The following GLCCI1 variants were observed in gnomAD, a reference collection of about 807,000 sequenced individuals.
GLCCI1 encodes the protein glucocorticoid induced 1.
A neutral mutation model predicts 52.2 loss-of-function variants in GLCCI1; 24 were observed. The observed-to-expected ratio is 0.46, with a 90% CI of 0.33 to 0.65. GLCCI1 has a LOEUF of 0.65. GLCCI1 is among the 30% of genes least tolerant of loss of function. The pLI, the probability that GLCCI1 is intolerant of heterozygous loss-of-function variation, is 0.02. For synonymous variants in GLCCI1, 310 were observed against 276.5 expected (o/e 1.12, Z -1.20); for missense variants, 704 against 701.5 (o/e 1.00, Z -0.04).
At chr7:7,985,179 A>T (rs1300595054) in intron 1 of GLCCI1, among the ~76,000 whole-genome samples, 1 of 151,592 alleles carries the variant, frequency 6.6e-6, no homozygotes, top group African/African-American at 2.4e-5. Context: ...GCTGATTTTA[A>T]TTTGTTGTTT....
chr7:8,080,931 C>A (rs1402490335), intron 6 of GLCCI1, among the ~76,000 whole-genome samples: 1 of 151,106 alleles, frequency 6.6e-6, no homozygotes, highest in Non-Finnish European at 1.5e-5. Flanking sequence ...GCCTCAGCCT[C>A]CCTAAAATGT....
chr7:8,050,684 C>T (rs1782237175), intron 3 of GLCCI1, among the ~76,000 whole-genome samples: 1 of 152,076 alleles, frequency 6.6e-6, no homozygotes. Context: ...TCCCATTTGT[C>T]TGTAATTTTT....
intron 1 of GLCCI1, among the ~76,000 whole-genome samples, chr7:8,003,534 A>G (rs1781086861): frequency 1.3e-5 from 2 of 152,194 alleles, no homozygotes; most frequent in African/African-American, 4.8e-5. Context: ...AATGTTTTCT[A>G]TTTGGGTATG....
intron 3 of GLCCI1, among the ~76,000 whole-genome samples, chr7:8,033,194 A>G (rs1490636146): frequency 6.6e-6 from 1 of 151,732 alleles, no homozygotes; most frequent in Non-Finnish European, 1.5e-5. Context: ...ATTTGACAAT[A>G]TTCAACAGTC....
chr7:8,039,785 T>G (rs911400407), intron 3 of GLCCI1, among the ~76,000 whole-genome samples: 1 of 152,076 alleles, frequency 6.6e-6, no homozygotes, highest in South Asian at 2.1e-4. Flanking sequence ...TCACTTGAGG[T>G]CAGAGGTTTG....
Position 7,969,972 on chromosome 7 carries a change from C to A in GLCCI1, c.457+165C>A, listed in dbSNP as rs1780307866. 2.0e-6 allele frequency: 2 copies of A among 985,480 alleles called. No individual in the cohort carries two copies. Among genetic ancestry groups the A allele is most frequent in the South Asian group, 3.5e-5 (1 of 28,958 alleles). 61.0% of individuals were successfully genotyped at this position (985,480 alleles called of 1,614,324 possible). A position where few individuals can be genotyped will look rare whatever the true frequency, so the allele number is the denominator to read the frequency against. On this transcript the variant is annotated intron_variant, in intron 1 of 7. Coordinates refer to ENST00000223145, the MANE Select transcript of GLCCI1 (RefSeq NM_138426.4). The surrounding 1 kb of genome is among the most constrained non-coding windows in gnomAD (Gnocchi z 4.9). ...GCGGTCGCTGTGGGGCTTGGAGGAG[C>A]GAACTGAAAAGCGACTTTTATTTGA...
intron 3 of GLCCI1, among the ~76,000 whole-genome samples, chr7:8,049,393 A>G (rs1782207030): frequency 6.6e-6 from 1 of 152,180 alleles, no homozygotes; most frequent in African/African-American, 2.4e-5. Flanking sequence ...TAATAGTCTG[A>G]ATATTTTATA....
chr7:8,081,651 T>C (rs1464358233), intron 6 of GLCCI1, among the ~76,000 whole-genome samples: 1 of 152,194 alleles, frequency 6.6e-6, no homozygotes, highest in African/African-American at 2.4e-5. Context: ...GTACATGTAG[T>C]TTAATGAATA....
At position 8,080,021 on chromosome 7, in the gene GLCCI1, C is replaced by T. The variant is rs1365513648; in HGVS notation, c.1178-4876C>T. On this transcript the variant is annotated intron_variant, in intron 6 of 7. Coordinates refer to ENST00000223145, the MANE Select transcript of GLCCI1 (RefSeq NM_138426.4). Reference sequence around the variant, plus strand: ...AAACCTTAGAGGCTCTTTGTAAAAGCCAAATGTTCTCCTTACTTCTAAGTT... The same window carrying T: ...AAACCTTAGAGGCTCTTTGTAAAAGTCAAATGTTCTCCTTACTTCTAAGTT... 2.6e-5 allele frequency among the ~76,000 whole-genome samples: 4 copies of T among 151,374 alleles called. 1 individual carries two copies. The highest frequency in any genetic ancestry group is 7.4e-5 in the African/African-American group (3 of 40,732).
At chr7:7,995,901 A>T (rs1320288636) in intron 1 of GLCCI1, among the ~76,000 whole-genome samples, 5 of 151,756 alleles carry the variant, frequency 3.3e-5, no homozygotes, top group Non-Finnish European at 7.4e-5. Flanking sequence ...AAAGTATAAT[A>T]AAAAAAATAA....
chr7:8,082,690 G>A (rs1783020785), intron 6 of GLCCI1, among the ~76,000 whole-genome samples: 1 of 152,012 alleles, frequency 6.6e-6, no homozygotes, highest in African/African-American at 2.4e-5. Flanking sequence ...CCCAAAAAAA[G>A]CAGAATAATG....
intron 1 of GLCCI1, chr7:7,982,014 A>G (rs1250112515): frequency 2.3e-6 from 1 of 434,438 alleles, no homozygotes; most frequent in Non-Finnish European, 4.6e-6. Context: ...TTTGGTCACT[A>G]CGAAGAAGAA....
Position 7,987,406 on chromosome 7 carries a change from C to T in GLCCI1, c.458-16502C>T, listed in dbSNP as rs143489930. 1.1e-3 allele frequency among the ~76,000 whole-genome samples: 163 copies of T among 152,300 alleles called. 1 individual carries two copies. The highest frequency in any genetic ancestry group is 3.7e-3 in the African/African-American group (154 of 41,556). On this transcript the variant is annotated intron_variant, in intron 1 of 7. Transcript: ENST00000223145. ...AAGCACTGTATTTACACCTTTACAT[C>T]GTACTGTCACTATTTAAGACACTTG...
At chr7:8,039,507 G>A (rs981892294) in intron 3 of GLCCI1, among the ~76,000 whole-genome samples, 1 of 152,134 alleles carries the variant, frequency 6.6e-6, no homozygotes, top group Non-Finnish European at 1.5e-5. Flanking sequence ...TAGAACTGGA[G>A]GGCATTATCT....
In GLCCI1 at chr7:7,969,179, C is replaced by G. The variant is rs1040645430; in HGVS notation, c.-172C>G. 1.7e-6 allele frequency: 1 copy of G among 592,734 alleles called. No individual in the cohort carries two copies. The highest frequency in any genetic ancestry group is 2.0e-5 in the African/African-American group (1 of 50,386). The allele number at this position is 592,734 out of a possible 1,614,324, so 36.7% of individuals were successfully genotyped here. On this transcript the variant is annotated 5_prime_UTR_variant, in exon 1 of 8. Coordinates refer to ENST00000223145, the MANE Select transcript of GLCCI1 (RefSeq NM_138426.4). The surrounding 1 kb of genome is among the most constrained non-coding windows in gnomAD (Gnocchi z 4.9). The stretch of plus-strand genomic sequence containing the variant: ...TTCCCCTCCCCCCTCGCCGAGGCGG[C>G]GGGGGTGTGCGTTGGGGAGGGGGAG...
intron 3 of GLCCI1, among the ~76,000 whole-genome samples, chr7:8,035,940 G>A (rs1230498352): frequency 6.6e-6 from 1 of 152,194 alleles, no homozygotes; most frequent in Non-Finnish European, 1.5e-5. Flanking sequence ...TGGTGGTTTA[G>A]CTCTACCCAG....
chr7:8,044,014 C>T (rs904035573), intron 3 of GLCCI1, among the ~76,000 whole-genome samples: 16 of 150,908 alleles, frequency 1.1e-4, no homozygotes, highest in African/African-American at 2.7e-4. Flanking sequence ...GCGCGATCTC[C>T]GCTCACTGCA....
intron 6 of GLCCI1, among the ~76,000 whole-genome samples, chr7:8,076,230 G>A (rs961803630): frequency 2.0e-5 from 3 of 152,120 alleles, no homozygotes; most frequent in Non-Finnish European, 4.4e-5. Flanking sequence ...TGTAAAAGCA[G>A]ATATGATGGG....
At chr7:7,980,728 A>G in intron 1 of GLCCI1, 1 of 712,126 alleles carries the variant, frequency 1.4e-6, no homozygotes, top group Non-Finnish European at 2.5e-6. Context: ...TCTTATCACT[A>G]CAGGAGAAAA....
Sources: allele counts gnomAD v4.1 joint callset (sites outside exome capture counted in the v4.1 genomes callset), GRCh38; gene constraint gnomAD v4.1.1; non-coding constraint Gnocchi (gnomAD v3.1); transcripts MANE v1.5; gene names NCBI Gene and HGNC (gene_info 2026-07-23, HGNC 2026-07-21).